The following SNX29 variants were observed in gnomAD, a reference collection of about 807,000 sequenced individuals.
SNX29 encodes sorting nexin 29.
A neutral mutation model predicts 102.1 loss-of-function variants in SNX29; 78 were observed. The observed-to-expected ratio is 0.76, with a 90% confidence interval of 0.64 to 0.92. The LOEUF is 0.92. Among genes scored for constraint, SNX29 ranks in the 40% least tolerant of loss-of-function variants. SNX29 has a pLI of 0.00. For missense variants in SNX29, 1,280 were observed against 1,061.7 expected, an observed-to-expected ratio of 1.21 and a Z score of -2.86; for synonymous variants, 580 against 414.5, an observed-to-expected ratio of 1.40 and a Z score of -4.85.
At chr16:12,123,286 A>G (rs1455762544) in intron 11 of SNX29, among the ~76,000 whole-genome samples, 3 of 152,118 alleles carry the variant, frequency 2.0e-5, no homozygotes, top group Non-Finnish European at 4.4e-5. Context: ...AATGTGTGTG[A>G]TGAGGACACT....
At chr16:12,377,226 A>G (rs1313277771) in intron 16 of SNX29, among the ~76,000 whole-genome samples, 1 of 152,180 alleles carries the variant, frequency 6.6e-6, no homozygotes, top group African/African-American at 2.4e-5. Flanking sequence ...TAGTCAACGT[A>G]GGTTCAGTTG....
intron 20 of SNX29, among the ~76,000 whole-genome samples, chr16:12,543,433 G>A (rs1246361845): frequency 6.6e-6 from 1 of 152,198 alleles, no homozygotes; most frequent in African/African-American, 2.4e-5. Context: ...AAGTGGGTGG[G>A]CAAACATATG....
At chr16:12,160,945 G>A (rs941156608) in intron 13 of SNX29, among the ~76,000 whole-genome samples, 9 of 152,174 alleles carry the variant, frequency 5.9e-5, no homozygotes, top group Non-Finnish European at 8.8e-5. Flanking sequence ...CGGGAGTAGC[G>A]ACTGTATGTG....
chr16:12,217,509 A>G (rs2077356372), intron 14 of SNX29, among the ~76,000 whole-genome samples: 1 of 152,154 alleles, frequency 6.6e-6, no homozygotes, highest in Non-Finnish European at 1.5e-5. Flanking sequence ...ACCTGTAGAC[A>G]GGTAGTACAG....
intron 18 of SNX29, among the ~76,000 whole-genome samples, chr16:12,423,122 C>G (rs1296051700): frequency 6.6e-6 from 1 of 151,884 alleles, no homozygotes; most frequent in African/African-American, 2.4e-5. Flanking sequence ...GCTACAGGCA[C>G]AATGCAAGTT....
intron 20 of SNX29, chr16:12,556,546 G>A (rs977346587): frequency 7.2e-5 from 11 of 152,316 alleles, no homozygotes; most frequent in African/African-American, 2.7e-4. Flanking sequence ...ACAGCTGTGG[G>A]AAACATTTGC....
chr16:12,544,153 C>G (rs139030281), intron 20 of SNX29, among the ~76,000 whole-genome samples: 17 of 152,200 alleles, frequency 1.1e-4, no homozygotes, highest in Non-Finnish European at 2.2e-4. Context: ...GGCATCATTC[C>G]TAAGAACACG....
intron 18 of SNX29, among the ~76,000 whole-genome samples, chr16:12,453,555 T>C (rs1417465161): frequency 2.0e-5 from 3 of 152,170 alleles, no homozygotes; most frequent in Admixed American, 6.5e-5. Flanking sequence ...GTAATTTTTT[T>C]TTTTTTTAAG....
At chr16:12,025,325 G>A (rs1441106744) in intron 3 of SNX29, among the ~76,000 whole-genome samples, 60 of 62,854 alleles carry the variant, frequency 9.5e-4, no homozygotes, top group Non-Finnish European at 1.2e-3. Context: ...AAAAAAAAAA[G>A]TGCCTGTGTG....
chr16:12,234,582 C>G (rs1203108312), intron 14 of SNX29, among the ~76,000 whole-genome samples: 1 of 151,966 alleles, frequency 6.6e-6, no homozygotes, highest in East Asian at 1.9e-4. Context: ...TTGAATTCAT[C>G]TATTTTTTCT....
chr16:12,558,126 C>T (rs187121830), intron 20 of SNX29, among the ~76,000 whole-genome samples: 310 of 152,344 alleles, frequency 2.0e-3, no homozygotes, highest in Non-Finnish European at 3.7e-3. Flanking sequence ...AGACCAGCAG[C>T]ATTCAGGGAT....
intron 14 of SNX29, among the ~76,000 whole-genome samples, chr16:12,260,861 TC>T (rs2078724024): frequency 1.4e-5 from 2 of 144,480 alleles, no homozygotes; most frequent in African/African-American, 5.2e-5. Context: ...GAATGTTTGC[TC>T]TGAGCTTGGG....
At chr16:12,187,675 C>G (rs117312673) in intron 13 of SNX29, among the ~76,000 whole-genome samples, 1,640 of 152,250 alleles carry the variant, frequency 0.011, 20 homozygotes, top group South Asian at 0.043. Flanking sequence ...TGTTCTCCCC[C>G]CAACCCCCTT....
At chr16:12,534,340 G>C (rs994063782) in intron 20 of SNX29, among the ~76,000 whole-genome samples, 1 of 152,214 alleles carries the variant, frequency 6.6e-6, no homozygotes, top group African/African-American at 2.4e-5. Flanking sequence ...CAAATGTCCT[G>C]GTCTTTGGAG....
In SNX29 at chr16:12,487,879, C is replaced by T. The variant is rs556927194; in HGVS notation, c.2178+10020C>T. Among the ~76,000 whole-genome samples, 10 of 152,184 alleles carry T rather than the reference C, an allele frequency of 6.6e-5. 1 individual carries two copies. The South Asian group carries it at 1.0e-3, about 16-fold the overall frequency. ...TATTCCTAGTACTTAATGTATTAAT[C>T]GAGAAGAAGAGAGAAACTGGGCTCA... On this transcript the variant is annotated intron_variant, in intron 19 of 20. Transcript: ENST00000566228.
At position 12,573,334 on chromosome 16, in the gene SNX29, T is replaced by TG. The variant is rs1452076932; in HGVS notation, c.*4707dup. On this transcript the variant is annotated 3_prime_UTR_variant, in exon 21 of 21. Coordinates refer to ENST00000566228, the MANE Select transcript of SNX29 (RefSeq NM_032167.5). ...GATTTGGGTACTCTGAATTATGTCA[T>TG]GGAGTAGACAGTTACTTCTAAATCC... The TG allele has an allele frequency of 2.7e-5, 6 of 225,794 alleles. No individual in the cohort carries two copies. The highest frequency in any genetic ancestry group is 5.7e-5 in the Admixed American group (1 of 17,482). The allele number at this position is 225,794 out of a possible 1,614,324, so 14.0% of individuals were successfully genotyped here. A position where few individuals can be genotyped will look rare whatever the true frequency, so the allele number is the denominator to read the frequency against.
chr16:12,013,500 A>AAAAAAATATATATATATATATAT, intron 3 of SNX29, among the ~76,000 whole-genome samples: 6 of 31,626 alleles, frequency 1.9e-4, no homozygotes, highest in Admixed American at 1.1e-3. Context: ...AAAAAAAAAA[A>AAAAAAATATATATATATATATAT]ATATATATAT....
chr16:12,198,585 T>C (rs911599062), intron 13 of SNX29, among the ~76,000 whole-genome samples: 6 of 152,096 alleles, frequency 3.9e-5, no homozygotes, highest in Non-Finnish European at 5.9e-5. Context: ...GGGGCAGAAA[T>C]AGAAAACGTG....
intron 19 of SNX29, among the ~76,000 whole-genome samples, chr16:12,493,890 C>T (rs544123331): frequency 3.3e-4 from 51 of 152,276 alleles, no homozygotes; most frequent in African/African-American, 1.2e-3. Flanking sequence ...CCGCACCCAG[C>T]CCTCATTTTG....
Sources: gnomAD v4.1 joint callset for allele counts (sites outside exome capture counted in the v4.1 genomes callset) on GRCh38, gnomAD v4.1.1 for gene constraint, MANE v1.5 for transcripts, NCBI Gene and HGNC (gene_info 2026-07-23, HGNC 2026-07-21) for gene names.